The following SLC1A1 variants were observed in gnomAD, a reference collection of about 807,000 sequenced individuals.
The protein encoded by SLC1A1 is excitatory amino acid transporter 3.
In SLC1A1, 43 loss-of-function variants were observed where a neutral mutation model predicts 53.3. The observed-to-expected ratio is 0.81, with a 90% CI of 0.63 to 1.04. The LOEUF (loss-of-function observed/expected upper bound fraction) is 1.04. Among genes scored for constraint, SLC1A1 ranks in the 50% least tolerant of loss-of-function variants. SLC1A1 has a pLI of 0.00. For synonymous variants in SLC1A1, 307 were observed against 243.2 expected, an observed-to-expected ratio of 1.26 and a Z score of -2.44; for missense variants, 748 against 664.9, an observed-to-expected ratio of 1.12 and a Z score of -1.37.
At chr9:4,574,652 G>A (rs573610779) in intron 8 of SLC1A1, among the ~76,000 whole-genome samples, 29 of 152,218 alleles carry the variant, frequency 1.9e-4, no homozygotes, top group African/African-American at 6.7e-4. Flanking sequence ...CTTGAGAAAA[G>A]ATGAGGTGGG....
At chr9:4,542,672 G>A (rs550828214) in intron 1 of SLC1A1, among the ~76,000 whole-genome samples, 8 of 152,274 alleles carry the variant, frequency 5.3e-5, no homozygotes, top group South Asian at 2.1e-4. Flanking sequence ...GAATTACAGC[G>A]TATCCTTAGG....
At chr9:4,543,373 T>C (rs1817180612) in intron 1 of SLC1A1, among the ~76,000 whole-genome samples, 1 of 152,184 alleles carries the variant, frequency 6.6e-6, no homozygotes, top group African/African-American at 2.4e-5. Context: ...TTTATTTTTC[T>C]GCCTTAAAAT....
At position 4,544,708 on chromosome 9, in the gene SLC1A1, G is replaced by A; in HGVS notation, c.232+1G>A. On this transcript the variant is annotated splice_donor_variant, in intron 2 of 11. Coordinates refer to ENST00000262352, the MANE Select transcript of SLC1A1 (RefSeq NM_004170.6). LOFTEE classifies it high-confidence loss of function. ...TTAATTATATCCAGCATGATTACAG[G>A]TACCTTGAGAAAACAGATGTTCTCT... The A allele has an allele frequency of 6.2e-7, 1 of 1,611,918 alleles. No homozygotes were observed. Among genetic ancestry groups the A allele is most frequent in the Non-Finnish European group, 8.5e-7 (1 of 1,178,212 alleles).
chr9:4,571,217 A>G (rs1320393764), intron 6 of SLC1A1, among the ~76,000 whole-genome samples: 1 of 152,112 alleles, frequency 6.6e-6, no homozygotes, highest in Non-Finnish European at 1.5e-5. Flanking sequence ...AACAACACAC[A>G]CTGGGGCCTA....
At chr9:4,529,073 C>T (rs919730706) in intron 1 of SLC1A1, among the ~76,000 whole-genome samples, 2 of 152,140 alleles carry the variant, frequency 1.3e-5, no homozygotes, top group Non-Finnish European at 2.9e-5. Flanking sequence ...AATACTAACT[C>T]GTCCACCTCC....
rs745891601 is a variant in SLC1A1, at chr9:4,576,069, G to A, written c.944G>A (p.Arg315Gln). ...ATAGTCGTACGAAAGAACCCTTTCC[G>A]ATTTGCCATGGGAATGGCCCAGGCT... The part of the protein sequence containing the change: ...YFIVVRKNPF[R>Q]FAMGMAQALL... Residue 315 changes from arginine (R) to glutamine (Q), a missense_variant, in exon 9 of 12, where the codon CGA becomes CAA. Transcript: ENST00000262352. 2.9e-5 allele frequency: 47 copies of A among 1,613,422 alleles called. No individual in the cohort carries two copies. In the South Asian group the frequency reaches 3.4e-4, roughly 12 times the overall value.
intron 1 of SLC1A1, among the ~76,000 whole-genome samples, chr9:4,538,853 C>G (rs1816779941): frequency 6.6e-6 from 1 of 152,120 alleles, no homozygotes; most frequent in African/African-American, 2.4e-5. Flanking sequence ...TCTATTTATC[C>G]ACTGAATGCA....
chr9:4,529,749 C>G (rs1334393709), intron 1 of SLC1A1, among the ~76,000 whole-genome samples: 2 of 152,110 alleles, frequency 1.3e-5, no homozygotes, highest in Admixed American at 1.3e-4. Context: ...AGGCTGATCT[C>G]AAATTCCTGG....
intron 1 of SLC1A1, among the ~76,000 whole-genome samples, chr9:4,493,355 G>A (rs1563989158): frequency 6.6e-6 from 1 of 152,160 alleles, no homozygotes; most frequent in Admixed American, 6.6e-5. Flanking sequence ...GTCTGTAAGG[G>A]CTGATTTGTT....
chr9:4,498,721 G>C (rs981491609), intron 1 of SLC1A1, among the ~76,000 whole-genome samples: 7 of 146,378 alleles, frequency 4.8e-5, no homozygotes, highest in African/African-American at 9.8e-5. Context: ...GACAATATTA[G>C]CAAAATAATG....
chr9:4,574,079 T>G, intron 8 of SLC1A1, 65 bp downstream of exon 8: 1 of 1,137,174 alleles, frequency 8.8e-7, no homozygotes, highest in Non-Finnish European at 1.3e-6. Flanking sequence ...CGCTGAGAGG[T>G]TGGGTTTCAG....
In SLC1A1 at chr9:4,503,076, G is replaced by A. The variant is rs1820689200; in HGVS notation, c.91+12306G>A. Among the ~76,000 whole-genome samples the A allele has an allele frequency of 2.0e-5, 3 of 151,728 alleles. 1 individual carries two copies. On this transcript the variant is annotated intron_variant, in intron 1 of 11. Transcript: ENST00000262352. ...CCACTTTTATGTTGTAGACTTCTCT[G>A]ACTGCAGTTGGAGATAATCTCCCTT...
At chr9:4,573,449 C>A (rs1400191194) in intron 7 of SLC1A1, among the ~76,000 whole-genome samples, 1 of 152,144 alleles carries the variant, frequency 6.6e-6, no homozygotes, top group Admixed American at 6.5e-5. Context: ...AACGATAGCT[C>A]CACAAATAGA....
intron 2 of SLC1A1, chr9:4,554,328 C>G (rs898703733): frequency 6.6e-6 from 1 of 152,208 alleles, no homozygotes; most frequent in African/African-American, 2.4e-5. Context: ...GTGCTGGGCA[C>G]TGAGTATACA....
intron 1 of SLC1A1, among the ~76,000 whole-genome samples, chr9:4,527,450 T>G (rs1816303001): frequency 6.6e-6 from 1 of 152,208 alleles, no homozygotes; most frequent in African/African-American, 2.4e-5. Flanking sequence ...GTTTGTAAAT[T>G]GACATGCTAT....
chr9:4,580,936 G>A (rs915881415), intron 10 of SLC1A1, among the ~76,000 whole-genome samples: 3 of 152,078 alleles, frequency 2.0e-5, no homozygotes, highest in Non-Finnish European at 1.5e-5. Context: ...TGGGATACGT[G>A]TGCAGAACAT....
chr9:4,538,916 G>A (rs534260098), intron 1 of SLC1A1, among the ~76,000 whole-genome samples: 102 of 152,270 alleles, frequency 6.7e-4, no homozygotes, highest in Non-Finnish European at 1.3e-3. Context: ...CATCATCAAC[G>A]TTCATCTTAG....
At chr9:4,495,638 A>G (rs1820387977) in intron 1 of SLC1A1, among the ~76,000 whole-genome samples, 1 of 152,112 alleles carries the variant, frequency 6.6e-6, no homozygotes, top group South Asian at 2.1e-4. Flanking sequence ...TTGTGTGAGA[A>G]ACATCAAGGA....
intron 1 of SLC1A1, among the ~76,000 whole-genome samples, chr9:4,538,284 AG>A (rs975970027): frequency 6.6e-6 from 1 of 152,198 alleles, no homozygotes; most frequent in African/African-American, 2.4e-5. Context: ...AGTCCAGAAA[AG>A]GCGTGACAAC....
Sources: allele counts gnomAD v4.1 joint callset (sites outside exome capture counted in the v4.1 genomes callset), GRCh38; gene constraint gnomAD v4.1.1; transcripts MANE v1.5; gene names NCBI Gene and HGNC (gene_info 2026-07-23, HGNC 2026-07-21).